The following BTBD8 variants were observed in gnomAD, a reference collection of about 807,000 sequenced individuals.
BTBD8 encodes BTB/POZ domain-containing protein 8.
A neutral mutation model predicts 162.9 loss-of-function variants in BTBD8; 110 were observed. The ratio of observed to expected loss-of-function variants is 0.68; its 90% CI spans 0.58 to 0.79. The LOEUF (loss-of-function observed/expected upper bound fraction) is 0.79, where lower values mean the gene tolerates loss of function less well. Among genes scored for constraint, BTBD8 ranks in the 30% least tolerant of loss-of-function variants. The pLI is 0.00. For synonymous variants in BTBD8, 667 were observed against 716.1 expected (o/e 0.93, Z 1.10); for missense variants, 1,905 against 2,085.4 (o/e 0.91, Z 1.68).
intron 9 of BTBD8, among the ~76,000 whole-genome samples, chr1:92,152,729 T>A (rs759536758): frequency 3.9e-5 from 6 of 152,140 alleles, no homozygotes; most frequent in Non-Finnish European, 5.9e-5. Context: ...ACTATGCCTC[T>A]CCCAATGCTA....
chr1:92,102,740 G>A (rs991761270), intron 3 of BTBD8, 71 bp downstream of exon 3: 11 of 1,276,682 alleles, frequency 8.6e-6, no homozygotes, highest in Admixed American at 3.1e-5. Context: ...TTAGAGAAAA[G>A]CATACTTCAA....
intron 4 of BTBD8, among the ~76,000 whole-genome samples, chr1:92,118,803 C>CTTTCTTTTTTTTT (rs767516943): frequency 2.1e-5 from 2 of 95,280 alleles, no homozygotes; most frequent in African/African-American, 4.7e-5. Flanking sequence ...TTCTTTCTTT[C>CTTTCTTTTTTTTT]TTTTTTTTTT....
chr1:92,104,822 C>CT (rs944716037), intron 3 of BTBD8, among the ~76,000 whole-genome samples: 29 of 152,142 alleles, frequency 1.9e-4, no homozygotes, highest in African/African-American at 6.5e-4. Context: ...ATTTCTCAGT[C>CT]TTTTTTACTG....
intron 7 of BTBD8, among the ~76,000 whole-genome samples, chr1:92,143,614 G>T (rs1013834467): frequency 1.3e-5 from 2 of 152,088 alleles, no homozygotes; most frequent in South Asian, 4.2e-4. Context: ...AGGTTCAAGC[G>T]ATTTTCTTGC....
At chr1:92,130,011 A>G (rs1222210425) in intron 5 of BTBD8, among the ~76,000 whole-genome samples, 1 of 152,234 alleles carries the variant, frequency 6.6e-6, no homozygotes, top group Non-Finnish European at 1.5e-5. Context: ...GATTTAAACA[A>G]CAGGTATTTA....
intron 2 of BTBD8, among the ~76,000 whole-genome samples, chr1:92,092,008 C>G (rs1162098508): frequency 6.6e-6 from 1 of 152,090 alleles, no homozygotes; most frequent in African/African-American, 2.4e-5. Flanking sequence ...ATGTTGAAGC[C>G]TTAACCCTCA....
intron 4 of BTBD8, among the ~76,000 whole-genome samples, chr1:92,123,747 A>C (rs1214251193): frequency 7.2e-6 from 1 of 139,476 alleles, no homozygotes; most frequent in African/African-American, 2.8e-5. Flanking sequence ...ACTGCACTCC[A>C]GCCTGGGCGA....
intron 1 of BTBD8, among the ~76,000 whole-genome samples, chr1:92,088,178 T>G (rs946461835): frequency 3.3e-5 from 5 of 152,324 alleles, no homozygotes; most frequent in Non-Finnish European, 5.9e-5. Context: ...GATTTCAGAC[T>G]TGTTAATTAA....
intron 4 of BTBD8, among the ~76,000 whole-genome samples, chr1:92,116,387 T>G (rs1031091638): frequency 5.9e-5 from 9 of 152,078 alleles, no homozygotes; most frequent in Admixed American, 1.3e-4. Flanking sequence ...TATCCTTAGC[T>G]GAATTTTTGT....
At chr1:92,123,912 C>G (rs1193113040) in intron 4 of BTBD8, among the ~76,000 whole-genome samples, 1 of 151,726 alleles carries the variant, frequency 6.6e-6, no homozygotes, top group Non-Finnish European at 1.5e-5. Context: ...CAGTCAGGAA[C>G]CGAGATAATT....
At chr1:92,126,393 T>C in intron 4 of BTBD8, 1 of 741,500 alleles carries the variant, frequency 1.3e-6, no homozygotes, top group South Asian at 1.3e-5. Context: ...TAGATTTGAA[T>C]GTGCTCTTGC....
chr1:92,183,760 T>G (rs1650992475), intron 17 of BTBD8, 104 bp from the exon 18 acceptor site: 4 of 550,536 alleles, frequency 7.3e-6, no homozygotes, highest in Non-Finnish European at 1.1e-5. Flanking sequence ...TCTGTGTTTT[T>G]TTTTTTTTTT....
intron 9 of BTBD8, 57 bp downstream of exon 9, chr1:92,147,843 T>A (rs758395313): frequency 7.1e-7 from 1 of 1,399,136 alleles, no homozygotes; most frequent in Admixed American, 1.9e-5. Flanking sequence ...TTATTCAATT[T>A]TGTATAGTAC....
At chr1:92,179,397 T>G (rs773886005) in intron 16 of BTBD8, among the ~76,000 whole-genome samples, 19 of 152,172 alleles carry the variant, frequency 1.2e-4, no homozygotes, top group Non-Finnish European at 2.8e-4. Context: ...ATTGCATAAT[T>G]TGCTAAAATA....
Position 92,107,991 on chromosome 1 carries a change from A to G in BTBD8, c.652A>G (p.Lys218Glu), listed in dbSNP as rs1648779153. 1.2e-6 allele frequency: 2 copies of G among 1,612,412 alleles called. No homozygotes were observed. Among genetic ancestry groups the G allele is most frequent in the Non-Finnish European group, 1.7e-6 (2 of 1,178,502 alleles). The stretch of plus-strand genomic sequence containing the variant: ...TATTTTTGTTGATGGAAAACGTTTT[A>G]AAGCTCACAGGTAAATAGACACGAC... ...IDIFVDGKRF[K>E]AHRAILSARS... is the part of the protein sequence containing the mutation. The change falls in exon 4 of 18, where the codon AAA becomes GAA. Residue 218 changes from lysine (K) to glutamate (E), a missense_variant. Lys to Glu is a moderately conservative substitution (Grantham distance 56). Around this residue, in one of 3 missense-constraint regions of BTBD8, gnomAD observed 1,374 missense variants for 1,442.7 expected, o/e 0.95. Coordinates refer to ENST00000636805, the MANE Select transcript of BTBD8 (RefSeq NM_001376131.1).
At position 92,104,989 on chromosome 1, in the gene BTBD8, T is replaced by C. The variant is rs578106352; in HGVS notation, c.544+2320T>C. Among the ~76,000 whole-genome samples the C allele has an allele frequency of 2.0e-5, 3 of 152,074 alleles. No homozygotes were observed. The East Asian group carries it at 5.8e-4, about 29-fold the overall frequency. ...CTCCGTAACCCAGGCTGGAGTGCCG[T>C]GGCACAAATCTTGTCTCATTGCAAC... On this transcript the variant is annotated intron_variant, in intron 3 of 17. Transcript: ENST00000636805.
chr1:92,151,776 A>T (rs910426245), intron 9 of BTBD8, among the ~76,000 whole-genome samples: 7 of 152,066 alleles, frequency 4.6e-5, no homozygotes, highest in African/African-American at 1.4e-4. Flanking sequence ...CTTAGCTCCC[A>T]CTTATAAGTG....
At chr1:92,129,538 T>C (rs1649456576) in intron 4 of BTBD8, 149 bp from the exon 5 acceptor site, 1 of 662,300 alleles carries the variant, frequency 1.5e-6, no homozygotes, top group South Asian at 2.0e-5. Context: ...AGCTTATAAG[T>C]TTTATTATGT....
chr1:92,141,360 A>C (rs1008017668), intron 7 of BTBD8, 149 bp downstream of exon 7: 2 of 899,846 alleles, frequency 2.2e-6, no homozygotes, highest in Non-Finnish European at 3.1e-6. Context: ...GAAATAATTC[A>C]TATGATCTGC....
Sources: gnomAD v4.1 joint callset for allele counts (sites outside exome capture counted in the v4.1 genomes callset) on GRCh38, gnomAD v4.1.1 for gene constraint, gnomAD v4.1.1 regional missense constraint, MANE v1.5 for transcripts, NCBI Gene and HGNC (gene_info 2026-07-23, HGNC 2026-07-21) for gene names.